HECTD2: variants seen among roughly 807,000 people sequenced by gnomAD.
The protein encoded by HECTD2 is probable E3 ubiquitin-protein ligase HECTD2.
Under a neutral mutation model 103.2 loss-of-function variants are expected in HECTD2, and 35 were observed. That is an observed-to-expected ratio of 0.34 (90% confidence interval 0.26 to 0.45). HECTD2 has a LOEUF of 0.45. Ranked by LOEUF, HECTD2 falls within the 20% of genes least tolerant of loss-of-function variation. HECTD2 has a pLI of 1.00. For missense variants in HECTD2, 596 were observed against 937.4 expected (o/e 0.64, Z 4.76); for synonymous variants, 281 against 329.9 (o/e 0.85, Z 1.61).
intron 14 of HECTD2, among the ~76,000 whole-genome samples, chr10:91,494,339 T>C (rs1167368089): frequency 6.6e-6 from 1 of 152,016 alleles, no homozygotes; most frequent in African/African-American, 2.4e-5. Flanking sequence ...AACAATTACA[T>C]TTGATTAATA....
chr10:91,503,083 A>G (rs1846970143), intron 20 of HECTD2, among the ~76,000 whole-genome samples: 1 of 152,248 alleles, frequency 6.6e-6, no homozygotes, highest in African/African-American at 2.4e-5. Context: ...TGGTAATTCC[A>G]TTAAAAGGTG....
At chr10:91,450,380 T>C (rs1844754583) in intron 2 of HECTD2, among the ~76,000 whole-genome samples, 1 of 152,124 alleles carries the variant, frequency 6.6e-6, no homozygotes, top group African/African-American at 2.4e-5. Flanking sequence ...TAACTCAAGA[T>C]GGATTAAAAA....
At position 91,487,614 on chromosome 10, in the gene HECTD2, G is replaced by T; in HGVS notation, c.1095-68G>T. The T allele has an allele frequency of 1.1e-6, 1 of 939,390 alleles. No individual in the cohort carries two copies. Among genetic ancestry groups the T allele is most frequent in the South Asian group, 1.3e-5 (1 of 77,522 alleles). 58.2% of individuals were successfully genotyped at this position (939,390 alleles called of 1,614,324 possible). On this transcript the variant is annotated intron_variant, in intron 10 of 20. Transcript: ENST00000298068. This position sits in a 1 kb window ranked among gnomAD's most constrained non-coding sequence, Gnocchi z 4.1. ...TTATATTGCTACAAGGGGTACCTTA[G>T]ATTCCCTTAGTATAATTTTGTTAAA...
chr10:91,498,209 G>A (rs964523339), intron 16 of HECTD2, 27 bp downstream of exon 16: 3 of 1,449,074 alleles, frequency 2.1e-6, no homozygotes, highest in African/African-American at 1.4e-5. Context: ...GTAGTTATCT[G>A]TTAATCATAT....
chr10:91,469,445 A>G (rs1385250216), intron 5 of HECTD2, among the ~76,000 whole-genome samples: 1 of 152,236 alleles, frequency 6.6e-6, no homozygotes, highest in Non-Finnish European at 1.5e-5. Flanking sequence ...TTGGGAGCCT[A>G]TATTCAGCAT....
chr10:91,475,402 A>C lies in HECTD2; in HGVS notation c.601-2799A>C, dbSNP rs558792044. On this transcript the variant is annotated intron_variant, in intron 5 of 20. Transcript: ENST00000298068. ...TGCCATTTAATTAGATGGATAAGGC[A>C]TTCGTGAAGGAGAGATCAAAGTGTT... Among the ~76,000 whole-genome samples, 4 of 152,366 alleles carry C rather than the reference A, an allele frequency of 2.6e-5. No individual in the cohort carries two copies. In the East Asian group the frequency reaches 5.8e-4, roughly 22 times the overall value.
At chr10:91,462,520 A>G (rs1845391812) in intron 5 of HECTD2, 3 of 1,068,948 alleles carry the variant, frequency 2.8e-6, no homozygotes, top group Non-Finnish European at 3.5e-6. Flanking sequence ...AGCCTGTATC[A>G]GAATCACAAG....
intron 14 of HECTD2, among the ~76,000 whole-genome samples, chr10:91,494,865 T>G (rs7899190): frequency 1.3e-5 from 2 of 151,996 alleles, no homozygotes; most frequent in African/African-American, 4.8e-5. Context: ...AATTTAGATT[T>G]GGATGATATT....
chr10:91,429,892 G>A (rs1270805874), intron 2 of HECTD2, among the ~76,000 whole-genome samples: 13 of 152,006 alleles, frequency 8.6e-5, no homozygotes, highest in African/African-American at 3.1e-4. Context: ...GTTCTGCTCT[G>A]ATTTTAGTTA....
chr10:91,500,736 A>T, intron 19 of HECTD2, 119 bp downstream of exon 19: 1 of 499,896 alleles, frequency 2.0e-6, no homozygotes, highest in South Asian at 4.4e-5. Context: ...AATATTAGAG[A>T]GTCCCACAGT....
chr10:91,499,818 GA>G (rs1190916254), intron 18 of HECTD2, among the ~76,000 whole-genome samples: 1 of 152,196 alleles, frequency 6.6e-6, no homozygotes, highest in Non-Finnish European at 1.5e-5. Context: ...ATGGGAGAGA[GA>G]AATGGACTAT....
chr10:91,506,808 A>C (rs887466764), intron 20 of HECTD2, among the ~76,000 whole-genome samples: 4 of 151,882 alleles, frequency 2.6e-5, no homozygotes, highest in Non-Finnish European at 5.9e-5. Flanking sequence ...AAAGCCGGGC[A>C]GAGACACAAC....
At chr10:91,449,332 T>G (rs1844686111) in intron 2 of HECTD2, among the ~76,000 whole-genome samples, 1 of 152,168 alleles carries the variant, frequency 6.6e-6, no homozygotes, top group South Asian at 2.1e-4. Context: ...AAGGCCTCGA[T>G]AAAATTCAAC....
chr10:91,444,206 C>G (rs2133122298), intron 2 of HECTD2, among the ~76,000 whole-genome samples: 1 of 152,254 alleles, frequency 6.6e-6, no homozygotes, highest in African/African-American at 2.4e-5. Context: ...CAAACAGATT[C>G]ATTCAAATAT....
intron 16 of HECTD2, among the ~76,000 whole-genome samples, chr10:91,498,464 G>A (rs949131842): frequency 1.3e-5 from 2 of 152,124 alleles, no homozygotes; most frequent in African/African-American, 4.8e-5. Context: ...CTAAAAATAA[G>A]CCTCTCCTGT....
rs58691011 is a variant in HECTD2, at chr10:91,412,668, ATG to A, written c.138+2118_138+2119del. ...AATTTATGACAGGATCTGTGGCAGA[ATG>A]TGTGTGTGTGTGTGTGTGTGTGTGT... On this transcript the variant is annotated intron_variant, in intron 1 of 20. Coordinates refer to ENST00000298068, the MANE Select transcript of HECTD2 (RefSeq NM_182765.6). 1.7e-3 allele frequency among the ~76,000 whole-genome samples: 244 copies of A among 147,182 alleles called. 2 individuals carry two copies. Among genetic ancestry groups the A allele is most frequent in the Middle Eastern group, 7.0e-3 (2 of 286 alleles).
In HECTD2 at chr10:91,501,732, G is replaced by A. The variant is rs182968640; in HGVS notation, c.2210+398G>A. On this transcript the variant is annotated intron_variant, in intron 20 of 20. Transcript: ENST00000298068. Reference sequence around the variant, plus strand: ...AGTTTTCTTTCTTTTCTAGGGGGTTGGGGGATACTATAATTATTACCAGAA... The same window carrying A: ...AGTTTTCTTTCTTTTCTAGGGGGTTAGGGGATACTATAATTATTACCAGAA... 8.7e-3 allele frequency among the ~76,000 whole-genome samples: 1,314 copies of A among 150,708 alleles called. 11 individuals are homozygous for A. Among genetic ancestry groups the A allele is most frequent in the Middle Eastern group, 0.014 (4 of 290 alleles).
At chr10:91,482,152 T>A (rs1292267669) in intron 7 of HECTD2, among the ~76,000 whole-genome samples, 2 of 151,988 alleles carry the variant, frequency 1.3e-5, no homozygotes, top group Non-Finnish European at 3.0e-5. Context: ...TTTGTTCTTC[T>A]CAAGAGCCAT....
Position 91,496,162 on chromosome 10 carries a change from C to G in HECTD2, c.1522-52C>G, listed in dbSNP as rs141970861. 5.2e-5 allele frequency: 68 copies of G among 1,316,422 alleles called. No individual in the cohort carries two copies. The African/African-American group carries it at 9.5e-4, about 18-fold the overall frequency. 81.5% of individuals were successfully genotyped at this position (1,316,422 alleles called of 1,614,324 possible). A position where few individuals can be genotyped will look rare whatever the true frequency, so the allele number is the denominator to read the frequency against. On this transcript the variant is annotated intron_variant, in intron 14 of 20. Coordinates refer to ENST00000298068, the MANE Select transcript of HECTD2 (RefSeq NM_182765.6). ...AAATAGACTGATGCATAATTCAGAACTCATTTGTTGTCATGGATTTTATGT... is the reference window on the plus strand; with the variant it reads ...AAATAGACTGATGCATAATTCAGAAGTCATTTGTTGTCATGGATTTTATGT...
Sources: gnomAD v4.1 joint callset for allele counts (sites outside exome capture counted in the v4.1 genomes callset) on GRCh38, gnomAD v4.1.1 for gene constraint, Gnocchi (gnomAD v3.1) non-coding constraint, MANE v1.5 for transcripts, NCBI Gene and HGNC (gene_info 2026-07-23, HGNC 2026-07-21) for gene names.